CNTNAP5: variants seen among roughly 807,000 people sequenced by gnomAD.
CNTNAP5 encodes the protein contactin-associated protein-like 5.
Under a neutral mutation model 150.2 loss-of-function variants are expected in CNTNAP5, and 72 were observed. That is an observed-to-expected ratio of 0.48 (90% confidence interval 0.40 to 0.58). CNTNAP5 has a LOEUF of 0.58. Ranked by LOEUF, CNTNAP5 falls within the 20% of genes least tolerant of loss-of-function variation. CNTNAP5 has a pLI of 0.00. For missense variants in CNTNAP5, 1,636 were observed against 1,626.2 expected, an observed-to-expected ratio of 1.01 and a Z score of -0.10; for synonymous variants, 672 against 619.8, an observed-to-expected ratio of 1.08 and a Z score of -1.25.
chr2:124,453,743 A>G (rs1469273573), intron 6 of CNTNAP5, among the ~76,000 whole-genome samples: 4 of 152,216 alleles, frequency 2.6e-5, no homozygotes, highest in Non-Finnish European at 4.4e-5. Flanking sequence ...TTCCACAAAC[A>G]AAACAATTAT....
chr2:124,541,406 A>G (rs1326378111), intron 10 of CNTNAP5, among the ~76,000 whole-genome samples: 1 of 151,932 alleles, frequency 6.6e-6, no homozygotes, highest in East Asian at 1.9e-4. Flanking sequence ...ACACCCCTAC[A>G]CTTAGAAAAA....
intron 13 of CNTNAP5, among the ~76,000 whole-genome samples, chr2:124,729,685 T>A (rs1047176232): frequency 6.6e-6 from 1 of 152,088 alleles, no homozygotes; most frequent in African/African-American, 2.4e-5. Flanking sequence ...TCATCTTTGA[T>A]GAAATATGAT....
chr2:124,695,817 C>T (rs1480421938), intron 13 of CNTNAP5, among the ~76,000 whole-genome samples: 4 of 152,156 alleles, frequency 2.6e-5, no homozygotes, highest in African/African-American at 9.7e-5. Flanking sequence ...ACTCTGTTGT[C>T]TTCTGGGTGA....
At chr2:124,332,102 T>G (rs1466034279) in intron 3 of CNTNAP5, among the ~76,000 whole-genome samples, 1 of 151,788 alleles carries the variant, frequency 6.6e-6, no homozygotes. Context: ...TATATATGTT[T>G]TACTCATGTA....
Position 124,504,516 on chromosome 2 carries a change from G to C in CNTNAP5, c.1287G>C (p.Val429=). 6.2e-7 allele frequency: 1 copy of C among 1,613,824 alleles called. No individual in the cohort carries two copies. Among genetic ancestry groups the C allele is most frequent in the Non-Finnish European group, 8.5e-7 (1 of 1,179,852 alleles). ...TGGAGGGTGGAATCCTGAGACTCGT[G>C]ATTCAGAAAATGACAGAACGCGTAG... ...LSLEGGILRL[V]IQKMTERVAE... Residue 429 remains valine (V), a synonymous_variant, in exon 8 of 24, where the codon GTG becomes GTC. Coordinates refer to ENST00000682447, the MANE Select transcript of CNTNAP5 (RefSeq NM_001367498.1).
Position 124,589,038 on chromosome 2 carries a change from A to G in CNTNAP5, c.1757-20763A>G, listed in dbSNP as rs940118903. Among the ~76,000 whole-genome samples the G allele has an allele frequency of 2.6e-5, 4 of 152,238 alleles. No homozygotes were observed. In the East Asian group the frequency reaches 7.7e-4, roughly 29 times the overall value. On this transcript the variant is annotated intron_variant, in intron 11 of 23. Transcript: ENST00000682447. ...CTTTTTTTCAGGTTTATTGAAGCAT[A>G]TTTCATAGACCATACATTTCTCCTA...
chr2:124,881,722 A>G (rs1207006879), intron 21 of CNTNAP5, among the ~76,000 whole-genome samples: 1 of 151,872 alleles, frequency 6.6e-6, no homozygotes, highest in African/African-American at 2.4e-5. Context: ...ATTTTTTACC[A>G]TTGCCTGACT....
intron 3 of CNTNAP5, among the ~76,000 whole-genome samples, chr2:124,360,791 A>T (rs1690175831): frequency 1.4e-5 from 1 of 69,234 alleles, no homozygotes. Flanking sequence ...TGTGTCTTGG[A>T]GTTGCTCTTC....
intron 1 of CNTNAP5, among the ~76,000 whole-genome samples, chr2:124,052,078 G>T (rs1311873355): frequency 6.6e-6 from 1 of 152,056 alleles, no homozygotes; most frequent in Non-Finnish European, 1.5e-5. Flanking sequence ...GATGCATCTG[G>T]ATTGTGACAG....
chr2:124,589,781 T>C (rs1696639124), intron 11 of CNTNAP5, among the ~76,000 whole-genome samples: 1 of 152,170 alleles, frequency 6.6e-6, no homozygotes, highest in Non-Finnish European at 1.5e-5. Flanking sequence ...TTTAGTTCCA[T>C]GGAATTTTAA....
At chr2:124,350,167 C>A (rs1465021716) in intron 3 of CNTNAP5, among the ~76,000 whole-genome samples, 1 of 151,874 alleles carries the variant, frequency 6.6e-6, no homozygotes, top group African/African-American at 2.4e-5. Context: ...CAGGCGTGAG[C>A]CACCATTCCC....
chr2:124,685,353 T>C (rs1364041963), intron 13 of CNTNAP5, among the ~76,000 whole-genome samples: 1 of 152,192 alleles, frequency 6.6e-6, no homozygotes, highest in African/African-American at 2.4e-5. Context: ...CATTTCTGCT[T>C]ACACTTTATT....
At chr2:124,853,164 T>C (rs909315623) in intron 19 of CNTNAP5, among the ~76,000 whole-genome samples, 1 of 152,280 alleles carries the variant, frequency 6.6e-6, no homozygotes, top group Admixed American at 6.5e-5. Flanking sequence ...TATCCCTCAG[T>C]GGTGGTCCAG....
At chr2:124,439,274 A>C (rs1391379132) in intron 5 of CNTNAP5, among the ~76,000 whole-genome samples, 6 of 152,182 alleles carry the variant, frequency 3.9e-5, no homozygotes, top group Non-Finnish European at 8.8e-5. Context: ...TTATGCAATA[A>C]GAATAGGTTA....
chr2:124,328,924 A>G (rs1689283789), intron 3 of CNTNAP5, among the ~76,000 whole-genome samples: 1 of 152,228 alleles, frequency 6.6e-6, no homozygotes, highest in Non-Finnish European at 1.5e-5. Flanking sequence ...ATCCATGCTT[A>G]TGAACCTGCA....
chr2:124,449,926 A>G (rs1692923797), intron 6 of CNTNAP5, among the ~76,000 whole-genome samples: 1 of 152,126 alleles, frequency 6.6e-6, no homozygotes, highest in Admixed American at 6.5e-5. Context: ...CCTGTGTTCT[A>G]CTCACCACAT....
chr2:124,192,931 T>C (rs1685494524), intron 1 of CNTNAP5, among the ~76,000 whole-genome samples: 1 of 152,234 alleles, frequency 6.6e-6, no homozygotes, highest in African/African-American at 2.4e-5. Context: ...TGCTAGAATT[T>C]CAAAATGAAG....
intron 19 of CNTNAP5, among the ~76,000 whole-genome samples, chr2:124,847,882 GC>G (rs1683081483): frequency 6.6e-6 from 1 of 151,874 alleles, no homozygotes; most frequent in African/African-American, 2.4e-5. Context: ...ATAAAAATTG[GC>G]TTTATTTTCC....
chr2:124,701,507 G>A (rs1353581040), intron 13 of CNTNAP5, among the ~76,000 whole-genome samples: 1 of 152,126 alleles, frequency 6.6e-6, no homozygotes, highest in Non-Finnish European at 1.5e-5. Context: ...ACATCTTTAT[G>A]AGATGGTGAT....
Sources: gnomAD v4.1 joint callset for allele counts (sites outside exome capture counted in the v4.1 genomes callset) on GRCh38, gnomAD v4.1.1 for gene constraint, MANE v1.5 for transcripts, NCBI Gene and HGNC (gene_info 2026-07-23, HGNC 2026-07-21) for gene names.